Variants in CLIP1 observed in about 807,000 individuals in gnomAD.
CLIP1 encodes the protein CAP-Gly domain-containing linker protein 1.
CLIP1 carries 66 observed loss-of-function variants against 161.6 expected under a neutral mutation model. The observed-to-expected ratio is 0.41, with a 90% CI of 0.33 to 0.50. The LOEUF is 0.50. Among genes scored for constraint, CLIP1 ranks in the 20% least tolerant of loss-of-function variants. The pLI is 0.27. For synonymous variants in CLIP1, 598 were observed against 626.2 expected, an observed-to-expected ratio of 0.96 and a Z score of 0.67; for missense variants, 1,376 against 1,702.0, an observed-to-expected ratio of 0.81 and a Z score of 3.37.
At chr12:122,356,784 C>T (rs971192449) in intron 5 of CLIP1, among the ~76,000 whole-genome samples, 2 of 152,212 alleles carry the variant, frequency 1.3e-5, no homozygotes, top group African/African-American at 4.8e-5. Context: ...ATTGCAGGCG[C>T]GCGCCGCCAC....
intron 23 of CLIP1, 80 bp from the exon 24 acceptor site, chr12:122,278,283 G>T (rs771526554): frequency 7.9e-7 from 1 of 1,269,780 alleles, no homozygotes; most frequent in Non-Finnish European, 1.1e-6. Flanking sequence ...AAACTGCAGT[G>T]AAAGGGCCTG....
intron 18 of CLIP1, 86 bp downstream of exon 18, chr12:122,319,146 A>C (rs1238334691): frequency 2.2e-6 from 2 of 900,268 alleles, no homozygotes; most frequent in African/African-American, 3.3e-5. Flanking sequence ...CACTTCAAAA[A>C]CATAAGCAAT....
rs772884520 is a variant in CLIP1, at chr12:122,323,789, T to A, written c.3249+4158A>T. ...AGTCTCCTGTACCAAAGCTTTCTGA[T>A]CTTTGACTAGCTCCTCATAAGACCT... On this transcript the variant is annotated intron_variant, in intron 17 of 25. Transcript: ENST00000620786. The surrounding 1 kb of genome is among the most constrained non-coding windows in gnomAD (Gnocchi z 4.1). 6.5e-6 allele frequency: 1 copy of A among 152,694 alleles called. No individual in the cohort carries two copies. Among genetic ancestry groups the A allele is most frequent in the Non-Finnish European group, 1.5e-5 (1 of 68,060 alleles). 9.5% of individuals were successfully genotyped at this position (152,694 alleles called of 1,614,324 possible).
At chr12:122,415,342 T>C (rs1023115016) in intron 1 of CLIP1, among the ~76,000 whole-genome samples, 21 of 150,076 alleles carry the variant, frequency 1.4e-4, no homozygotes, top group Non-Finnish European at 2.1e-4. Flanking sequence ...ATTAGCCGGG[T>C]GTGGTGGCGG....
At chr12:122,294,915 G>A (rs1179239074) in intron 20 of CLIP1, among the ~76,000 whole-genome samples, 5 of 151,694 alleles carry the variant, frequency 3.3e-5, no homozygotes, top group Non-Finnish European at 5.9e-5. Flanking sequence ...TTAGCTGGGC[G>A]TGGTGGCATG....
chr12:122,368,053 A>G (rs1192096599), intron 3 of CLIP1, among the ~76,000 whole-genome samples: 1 of 152,218 alleles, frequency 6.6e-6, no homozygotes, highest in Admixed American at 6.5e-5. Flanking sequence ...CTTTACTCTC[A>G]GAATGTTAGC....
chr12:122,422,951 CAA>C (rs984329281), upstream of CLIP1, among the ~76,000 whole-genome samples: 4 of 152,172 alleles, frequency 2.6e-5, no homozygotes, highest in Admixed American at 6.5e-5. Context: ...GTCATTTCTG[CAA>C]AGTGTTCCCA....
intron 1 of CLIP1, among the ~76,000 whole-genome samples, chr12:122,386,082 T>C (rs1194385754): frequency 6.6e-6 from 1 of 152,114 alleles, no homozygotes; most frequent in East Asian, 1.9e-4. Context: ...GGTCAGGAGT[T>C]CGAGACCAGC....
chr12:122,290,974 C>T (rs1566081842), intron 20 of CLIP1, among the ~76,000 whole-genome samples: 1 of 151,220 alleles, frequency 6.6e-6, no homozygotes, highest in African/African-American at 2.4e-5. Context: ...CTCACTGCAA[C>T]CTCAGCCTCC....
Position 122,377,767 on chromosome 12 carries a change from A to C in CLIP1, c.279T>G (p.Asp93Glu), listed in dbSNP as rs779169334. ...APGQWAGIVL[D>E]EPIGKNDGSV... ...AACCATCGTTCTTGCCTATGGGTTCATCTAAAACAATTCCAGCCCACTGGC... is the reference window on the plus strand; with the variant it reads ...AACCATCGTTCTTGCCTATGGGTTCCTCTAAAACAATTCCAGCCCACTGGC... The change falls in exon 3 of 26, where the codon GAT becomes GAG. Residue 93 changes from aspartate to glutamate, a missense_variant. Asp to Glu is a conservative substitution (Grantham distance 45, BLOSUM62 2). This residue lies in a region of CLIP1 where 27 missense variants were observed against 64.1 expected (regional missense o/e 0.42). Transcript: ENST00000620786. 6.2e-7 allele frequency: 1 copy of C among 1,613,984 alleles called. No homozygotes were observed. Among genetic ancestry groups the C allele is most frequent in the South Asian group, 1.1e-5 (1 of 91,062 alleles).
chr12:122,301,996 C>CA (rs1288744928), intron 20 of CLIP1, among the ~76,000 whole-genome samples: 1 of 152,164 alleles, frequency 6.6e-6, no homozygotes, highest in East Asian at 1.9e-4. Flanking sequence ...GGATGTGGTG[C>CA]AGCAGAGTTT....
intron 20 of CLIP1, among the ~76,000 whole-genome samples, chr12:122,305,444 G>A (rs576410819): frequency 2.0e-5 from 3 of 152,228 alleles, no homozygotes; most frequent in East Asian, 1.9e-4. Context: ...AAAAAGAAAC[G>A]AATGCTCTGT....
chr12:122,392,258 G>A (rs541478781), intron 1 of CLIP1, among the ~76,000 whole-genome samples: 17 of 152,140 alleles, frequency 1.1e-4, no homozygotes, highest in Admixed American at 6.6e-4. Context: ...GCAATAGAAC[G>A]AGCCCCATCT....
chr12:122,296,199 G>GTGAGAA (rs1315027527), intron 20 of CLIP1, among the ~76,000 whole-genome samples: 1 of 152,196 alleles, frequency 6.6e-6, no homozygotes, highest in African/African-American at 2.4e-5. Flanking sequence ...TTTTCAGGGA[G>GTGAGAA]TGAGAATGAA....
rs1399928591 is a variant in CLIP1 at position 122,422,567 on chromosome 12, AGCAGCCGCC to A, written c.-162_-154del. On this transcript the variant is annotated 5_prime_UTR_variant, in exon 1 of 26. Transcript: ENST00000620786. ...CCGCCACCTGTCCCACTGCAGCAGC[AGCAGCCGCC>A]GCGGCCGCCGCCTCCCGCCTCCCGG... The A allele has an allele frequency of 1.3e-5, 2 of 149,544 alleles. No individual in the cohort carries two copies. Among genetic ancestry groups the A allele is most frequent in the Admixed American group, 6.7e-5 (1 of 14,952 alleles). 9.3% of individuals were successfully genotyped at this position (149,544 alleles called of 1,614,324 possible). A position where few individuals can be genotyped will look rare whatever the true frequency, so the allele number is the denominator to read the frequency against.
Position 122,311,573 on chromosome 12 carries a change from C to T in CLIP1, c.3474-1691G>A, listed in dbSNP as rs898567501. Among the ~76,000 whole-genome samples the T allele has an allele frequency of 5.9e-5, 9 of 151,946 alleles. No homozygotes were observed. The highest frequency in any genetic ancestry group is 1.5e-4 in the African/African-American group (6 of 41,344). On this transcript the variant is annotated intron_variant, in intron 19 of 25. Transcript: ENST00000620786. The surrounding 1 kb of genome is among the most constrained non-coding windows in gnomAD (Gnocchi z 4.3). ...CTGAGTAACTGGGACTACAGGTGTCCGCCACCGCGCCCAGCCAATTTTTGT... is the reference window on the plus strand; with the variant it reads ...CTGAGTAACTGGGACTACAGGTGTCTGCCACCGCGCCCAGCCAATTTTTGT...
chr12:122,385,458 T>C (rs1433285755), intron 1 of CLIP1, among the ~76,000 whole-genome samples: 1 of 152,162 alleles, frequency 6.6e-6, no homozygotes, highest in Admixed American at 6.6e-5. Context: ...CCAGGGGATA[T>C]TAATGCTGCC....
chr12:122,380,460 G>A lies in CLIP1; in HGVS notation c.-8C>T. ...TGGCTTTAGCATACTCATTTTCTTT[G>A]TATGTCAGAGCTGTTTCTCCTTTGC... is the stretch of plus-strand genomic sequence containing the variant. On this transcript the variant is annotated 5_prime_UTR_variant, in exon 2 of 26. Coordinates refer to ENST00000620786, the MANE Select transcript of CLIP1 (RefSeq NM_001247997.2). 1 of 1,592,276 alleles carries A rather than the reference G, an allele frequency of 6.3e-7. No homozygotes were observed. Among genetic ancestry groups the A allele is most frequent in the East Asian group, 2.2e-5 (1 of 44,720 alleles).
intron 4 of CLIP1, among the ~76,000 whole-genome samples, chr12:122,363,491 G>A (rs1953975297): frequency 1.4e-5 from 2 of 146,722 alleles, no homozygotes; most frequent in South Asian, 2.2e-4. Context: ...CAGAGGCCCT[G>A]TCTCAAAAAA....
Sources: gnomAD v4.1 joint callset for allele counts (sites outside exome capture counted in the v4.1 genomes callset) on GRCh38, gnomAD v4.1.1 for gene constraint, gnomAD v4.1.1 regional missense constraint, Gnocchi (gnomAD v3.1) non-coding constraint, MANE v1.5 for transcripts, NCBI Gene and HGNC (gene_info 2026-07-23, HGNC 2026-07-21) for gene names.